Variants in DQX1 observed in about 807,000 individuals in gnomAD.
The protein encoded by DQX1 is ATP-dependent RNA helicase homolog DQX1.
Under a neutral mutation model 81.3 loss-of-function variants are expected in DQX1, and 66 were observed. The ratio of observed to expected loss-of-function variants is 0.81; its 90% CI spans 0.67 to 1.00. The LOEUF (loss-of-function observed/expected upper bound fraction) is 1.00. DQX1 is among the 50% of genes least tolerant of loss of function. The pLI, the probability that DQX1 is intolerant of heterozygous loss-of-function variation, is 0.00. For missense variants in DQX1, 798 were observed against 867.9 expected, an observed-to-expected ratio of 0.92 and a Z score of 1.01; for synonymous variants, 290 against 350.0, an observed-to-expected ratio of 0.83 and a Z score of 1.91.
In DQX1 at chr2:74,523,025, A is replaced by G. The variant is rs1483000722; in HGVS notation, c.1145-11T>C. The G allele has an allele frequency of 9.9e-6, 16 of 1,613,912 alleles. No individual in the cohort carries two copies. Among genetic ancestry groups the G allele is most frequent in the Middle Eastern group, 3.3e-4 (2 of 6,082 alleles). On this transcript the variant is annotated splice_polypyrimidine_tract_variant and intron_variant, in intron 6 of 11. Transcript: ENST00000404568. ...GGCAGAGGCAGGATCCTGAGGGGAA[A>G]AAGACCTGGGAAAGAAGACCACTGT...
In DQX1 at chr2:74,521,772, TC is replaced by T. The variant is rs112469892; in HGVS notation, c.1495+807del. ...CTCCCCCTCTTTCCCTCTCCCTCTC[TC>T]CCCCTCTTTCCCTCTCCCTCTCTCC... On this transcript the variant is annotated intron_variant, in intron 8 of 11. Transcript: ENST00000404568. 5.7e-3 allele frequency among the ~76,000 whole-genome samples: 758 copies of T among 131,914 alleles called. 5 individuals carry two copies. The highest frequency in any genetic ancestry group is 0.015 in the Middle Eastern group (4 of 266). 86.5% of individuals were successfully genotyped at this position (131,914 alleles called of 152,430 possible).
rs777998055 is a variant in DQX1 at position 74,522,580 on chromosome 2, C to T, written c.1495G>A (p.Ala499Thr). 2.5e-6 allele frequency: 4 copies of T among 1,612,362 alleles called. No homozygotes were observed. The South Asian group carries it at 4.4e-5, about 18-fold the overall frequency. ...EMLTLAAMLTAAPGFTRPPLS... is the reference protein window; with the variant it reads ...EMLTLAAMLTTAPGFTRPPLS... ...ATGGATTTACAGCAGCGATTTATAC[C>T]TGTGAGCATGGCAGCCAGGGTGAGC... Residue 499 changes from alanine to threonine, a missense_variant and splice_region_variant, in exon 8 of 12, where the codon GCT becomes ACT. By Grantham distance (58) the Ala-to-Thr change is moderately conservative. Transcript: ENST00000404568.
rs1675061312 is a variant in DQX1, at chr2:74,522,726, G to T, written c.1349C>A (p.Ala450Glu). 1.9e-6 allele frequency: 3 copies of T among 1,614,100 alleles called. No individual in the cohort carries two copies. Among genetic ancestry groups the T allele is most frequent in the Middle Eastern group, 3.3e-4 (2 of 6,084 alleles). ...CAGGTCCCCATCATCATCCAGGGCT[G>T]CCAGATAGTCTAAATCTTCCAGGGC... ...MQALEDLDYL[A>E]ALDDDGDLSD... The change falls in exon 8 of 12, where the codon GCA (alanine) becomes GAA (glutamate). Residue 450 changes from alanine to glutamate, a missense_variant. By Grantham distance (107) the Ala-to-Glu change is moderately radical. Coordinates refer to ENST00000404568, the MANE Select transcript of DQX1 (RefSeq NM_133637.3).
intron 4 of DQX1, 176 bp downstream of exon 4, chr2:74,523,747 C>T (rs1201116838): frequency 2.7e-6 from 3 of 1,111,130 alleles, no homozygotes; most frequent in African/African-American, 3.2e-5. Flanking sequence ...ACCTCTTTAC[C>T]CTGAAATCCT....
rs143505793 is a variant in DQX1 at position 74,525,883 on chromosome 2, A to C, written c.-19-135T>G. ...ACCCTTCCCAGCATTTCCTGCCAGG[A>C]AACAGTGCTAGGTATTTTGATAAAG... On this transcript the variant is annotated intron_variant, in intron 1 of 11. Transcript: ENST00000404568. This position sits in a 1 kb window ranked among gnomAD's most constrained non-coding sequence, Gnocchi z 4.1. The C allele has an allele frequency of 1.5e-6, 1 of 646,388 alleles. No homozygotes were observed. Among genetic ancestry groups the C allele is most frequent in the Non-Finnish European group, 2.6e-6 (1 of 377,732 alleles). The allele number at this position is 646,388 out of a possible 1,614,324, so 40.0% of individuals were successfully genotyped here. A position where few individuals can be genotyped will look rare whatever the true frequency, so the allele number is the denominator to read the frequency against.
Position 74,523,874 on chromosome 2 carries a change from T to G in DQX1, c.816+49A>C, listed in dbSNP as rs184033104. 1.5e-4 allele frequency: 226 copies of G among 1,479,814 alleles called. 2 individuals carry two copies. In the African/African-American group the frequency reaches 2.7e-3, roughly 17 times the overall value. 91.7% of individuals were successfully genotyped at this position (1,479,814 alleles called of 1,614,324 possible). A position where few individuals can be genotyped will look rare whatever the true frequency, so the allele number is the denominator to read the frequency against. ...GAAGATGATGATGAGTACCTCCTTTTGCAGGCTCATTTTGCAGGCTGTTTT... is the reference window on the plus strand; with the variant it reads ...GAAGATGATGATGAGTACCTCCTTTGGCAGGCTCATTTTGCAGGCTGTTTT... On this transcript the variant is annotated intron_variant, in intron 4 of 11. Transcript: ENST00000404568.
chr2:74,524,390 C>T (rs577648439), intron 3 of DQX1, 83 bp from the exon 4 acceptor site: 276 of 1,508,042 alleles, frequency 1.8e-4, no homozygotes, highest in Non-Finnish European at 2.3e-4. Context: ...CCCCAAGGGA[C>T]GTATATTTTG....
chr2:74,522,717 T>A lies in DQX1; in HGVS notation c.1358A>T (p.Asp453Val). The change falls in exon 8 of 12, where the codon GAT (aspartate) becomes GTT (valine). Residue 453 changes from aspartate to valine, a missense_variant. Asp to Val is a radical substitution (Grantham distance 152). Transcript: ENST00000404568. ...LEDLDYLAAL[D>V]DDGDLSDLGV... ...CAGATCTGACAGGTCCCCATCATCA[T>A]CCAGGGCTGCCAGATAGTCTAAATC... is the stretch of plus-strand genomic sequence containing the variant. The A allele has an allele frequency of 6.2e-7, 1 of 1,614,218 alleles. No individual in the cohort carries two copies. Among genetic ancestry groups the A allele is most frequent in the Non-Finnish European group, 8.5e-7 (1 of 1,180,048 alleles).
In DQX1 at chr2:74,523,933, G is replaced by T. The variant is rs779985453; in HGVS notation, c.806C>A (p.Pro269His). 6.3e-7 allele frequency: 1 copy of T among 1,595,206 alleles called. No homozygotes were observed. Among genetic ancestry groups the T allele is most frequent in the Non-Finnish European group, 8.6e-7 (1 of 1,167,296 alleles). Residue 269 changes from proline (P) to histidine (H), a missense_variant, in exon 4 of 12, where the codon CCC becomes CAC. By Grantham distance (77) the Pro-to-His change is moderately conservative. Coordinates refer to ENST00000404568, the MANE Select transcript of DQX1 (RefSeq NM_133637.3). ...TGTTTTGTTTTTTACCTCCTCACTG[G>T]GCAGGAACACTAGCACATCTCCTGG... ...ELPGDVLVFL[P>H]SEEEISLCCE...
At position 74,522,991 on chromosome 2, in the gene DQX1, T is replaced by C; in HGVS notation, c.1168A>G (p.Lys390Glu). The change falls in exon 7 of 12, where the codon AAG (lysine) becomes GAG (glutamate). Residue 390 changes from lysine to glutamate, a missense_variant. Coordinates refer to ENST00000404568, the MANE Select transcript of DQX1 (RefSeq NM_133637.3). ...PPGSCLCLYP[K>E]SFLELEAPPL... ...GGAGCTTCTAGTTCTAAGAAGGACTTAGGATACAGGCAGAGGCAGGATCCT... is the reference window on the plus strand; with the variant it reads ...GGAGCTTCTAGTTCTAAGAAGGACTCAGGATACAGGCAGAGGCAGGATCCT... 3 of 1,614,110 alleles carry C rather than the reference T, an allele frequency of 1.9e-6. No individual in the cohort carries two copies. The South Asian group carries it at 3.3e-5, about 18-fold the overall frequency.
chr2:74,520,853 G>T (rs1213834509), intron 8 of DQX1, among the ~76,000 whole-genome samples: 1 of 151,726 alleles, frequency 6.6e-6, no homozygotes, highest in East Asian at 1.9e-4. Flanking sequence ...TTTTGTTTTT[G>T]TAGAGACAGG....
At position 74,523,517 on chromosome 2, in the gene DQX1, T is replaced by G. The variant is rs1033738144; in HGVS notation, c.837A>C (p.Glu279Asp). 3 of 1,613,950 alleles carry G rather than the reference T, an allele frequency of 1.9e-6. No homozygotes were observed. The highest frequency in any genetic ancestry group is 2.5e-6 in the Non-Finnish European group (3 of 1,179,990). Reference sequence around the variant, plus strand: ...AGGACTCTACCTCCCTGGACAAGGATTCACAGCACAGGGAAATTTCCTGAG... The same window carrying G: ...AGGACTCTACCTCCCTGGACAAGGAGTCACAGCACAGGGAAATTTCCTGAG... ...PSEEEISLCCESLSREVESLL... is the reference protein window; with the variant it reads ...PSEEEISLCCDSLSREVESLL... Residue 279 changes from glutamate (E) to aspartate (D), a missense_variant, in exon 5 of 12, where the codon GAA becomes GAC. Physicochemically the swap from Glu to Asp is conservative, Grantham distance 45. Transcript: ENST00000404568.
chr2:74,521,767 C>G, intron 8 of DQX1, among the ~76,000 whole-genome samples: 1 of 135,352 alleles, frequency 7.4e-6, no homozygotes, highest in East Asian at 2.0e-4. Flanking sequence ...TTCCCTCTCC[C>G]TCTCTCCCCC....
At position 74,525,962 on chromosome 2, in the gene DQX1, G is replaced by A. The variant is rs1225510628; in HGVS notation, c.-20+174C>T. Among the ~76,000 whole-genome samples, 3 of 152,208 alleles carry A rather than the reference G, an allele frequency of 2.0e-5. No individual in the cohort carries two copies. Among genetic ancestry groups the A allele is most frequent in the Non-Finnish European group, 4.4e-5 (3 of 68,038 alleles). On this transcript the variant is annotated intron_variant, in intron 1 of 11. Coordinates refer to ENST00000404568, the MANE Select transcript of DQX1 (RefSeq NM_133637.3). The surrounding 1 kb of genome is among the most constrained non-coding windows in gnomAD (Gnocchi z 4.1). Reference sequence around the variant, plus strand: ...ATAGTCAGGTAGTAGAAATCTACCTGAGACTATTACCCCGTTGGCAGGTAG... The same window carrying A: ...ATAGTCAGGTAGTAGAAATCTACCTAAGACTATTACCCCGTTGGCAGGTAG...
Position 74,522,521 on chromosome 2 carries a change from C to T in DQX1, c.1495+59G>A. 3 of 1,558,310 alleles carry T rather than the reference C, an allele frequency of 1.9e-6. No individual in the cohort carries two copies. The Admixed American group carries it at 5.5e-5, about 29-fold the overall frequency. ...AGGGCTAGCCTCAGGAGCACCAAAA[C>T]CCAAGAGGAAGGGCTGAAGTGGTTT... On this transcript the variant is annotated intron_variant, in intron 8 of 11. Coordinates refer to ENST00000404568, the MANE Select transcript of DQX1 (RefSeq NM_133637.3).
intron 8 of DQX1, among the ~76,000 whole-genome samples, chr2:74,522,075 A>G (rs1262845268): frequency 6.6e-6 from 1 of 152,228 alleles, no homozygotes; most frequent in Non-Finnish European, 1.5e-5. Flanking sequence ...GATGAAATCC[A>G]TGAGGAGCAG....
chr2:74,526,041 C>A, intron 1 of DQX1, 95 bp downstream of exon 1: 1 of 337,870 alleles, frequency 3.0e-6, no homozygotes, highest in Non-Finnish European at 5.5e-6. Context: ...TATGTGAGAC[C>A]TAGTAACCTG....
At chr2:74,520,176 C>T in intron 8 of DQX1, 142 bp from the exon 9 acceptor site, 1 of 1,101,516 alleles carries the variant, frequency 9.1e-7, no homozygotes, top group Middle Eastern at 3.1e-4. Context: ...GTGCTATGCA[C>T]TTTATTAAAC....
At chr2:74,519,535 A>T (rs1194336349) in intron 10 of DQX1, 21 bp downstream of exon 10, 3 of 1,611,094 alleles carry the variant, frequency 1.9e-6, no homozygotes, top group Non-Finnish European at 2.5e-6. Flanking sequence ...GATCACCCTC[A>T]CCCCCACCCT....
Sources: allele counts gnomAD v4.1 joint callset (sites outside exome capture counted in the v4.1 genomes callset), GRCh38; gene constraint gnomAD v4.1.1; non-coding constraint Gnocchi (gnomAD v3.1); transcripts MANE v1.5; gene names NCBI Gene and HGNC (gene_info 2026-07-23, HGNC 2026-07-21).